ANXA4: variants seen among roughly 807,000 people sequenced by gnomAD.
ANXA4 encodes 35-beta calcimedin.
Under a neutral mutation model 49.8 loss-of-function variants are expected in ANXA4, and 39 were observed. That is an observed-to-expected ratio of 0.78 (90% CI 0.61 to 1.02). The LOEUF (loss-of-function observed/expected upper bound fraction) is 1.02, where lower values mean the gene tolerates loss of function less well. Among genes scored for constraint, ANXA4 ranks in the 50% least tolerant of loss-of-function variants. The pLI is 0.00. For synonymous variants in ANXA4, 134 were observed against 152.5 expected (o/e 0.88, Z 0.89); for missense variants, 360 against 410.1 (o/e 0.88, Z 1.05).
rs1200778897 is a variant in ANXA4, at chr2:69,825,450, G to A, written c.907-6G>A. 1 of 1,603,684 alleles carries A rather than the reference G, an allele frequency of 6.2e-7. No individual in the cohort carries two copies. Among genetic ancestry groups the A allele is most frequent in the Non-Finnish European group, 8.5e-7 (1 of 1,175,536 alleles). On this transcript the variant is annotated splice_region_variant and splice_polypyrimidine_tract_variant and intron_variant, in intron 12 of 12. Coordinates refer to ENST00000394295, the MANE Select transcript of ANXA4 (RefSeq NM_001153.5). ...ATTTATCTAACTTTGCTTCCCTATCGAACAGGGTGACACATCTGGAGACTA... is the reference window on the plus strand; with the variant it reads ...ATTTATCTAACTTTGCTTCCCTATCAAACAGGGTGACACATCTGGAGACTA...
intron 1 of ANXA4, among the ~76,000 whole-genome samples, chr2:69,647,614 G>C (rs536476368): frequency 6.6e-6 from 1 of 152,002 alleles, no homozygotes; most frequent in South Asian, 2.1e-4. Context: ...TCACCATGTT[G>C]CCCAGGGTGG....
At chr2:69,735,188 ACTAT>A (rs1225562536) in intron 3 of ANXA4, among the ~76,000 whole-genome samples, 6 of 152,224 alleles carry the variant, frequency 3.9e-5, no homozygotes, top group Non-Finnish European at 5.9e-5. Context: ...AGAACTAATG[ACTAT>A]CTGTCTTTTG....
At chr2:69,727,367 A>T (rs1233964872) in intron 3 of ANXA4, among the ~76,000 whole-genome samples, 1 of 152,180 alleles carries the variant, frequency 6.6e-6, no homozygotes, top group Non-Finnish European at 1.5e-5. Context: ...TTACATCCCC[A>T]CCAGCAGTGT....
chr2:69,779,107 CAAAAAAAA>C (rs70954359), intron 1 of ANXA4, among the ~76,000 whole-genome samples: 3 of 45,446 alleles, frequency 6.6e-5, no homozygotes, highest in Admixed American at 2.6e-4. Context: ...CACTCTGCCT[CAAAAAAAA>C]AAAAAAAAAA....
chr2:69,785,979 A>G (rs1356528512), intron 2 of ANXA4, among the ~76,000 whole-genome samples: 2 of 152,158 alleles, frequency 1.3e-5, no homozygotes, highest in Non-Finnish European at 2.9e-5. Context: ...TCATTTCATC[A>G]AGTACCACCC....
intron 2 of ANXA4, among the ~76,000 whole-genome samples, chr2:69,696,182 A>C (rs1186851136): frequency 6.6e-6 from 1 of 152,188 alleles, no homozygotes; most frequent in Admixed American, 6.5e-5. Context: ...CCATCCTCTC[A>C]AACCCTTAGT....
intron 1 of ANXA4, among the ~76,000 whole-genome samples, chr2:69,646,839 C>T (rs1481375772): frequency 1.3e-5 from 2 of 152,168 alleles, no homozygotes; most frequent in Non-Finnish European, 2.9e-5. Context: ...TGTATCCCCC[C>T]AACCCCTGTT....
intron 3 of ANXA4, among the ~76,000 whole-genome samples, chr2:69,796,922 C>T (rs992199576): frequency 6.6e-6 from 1 of 152,108 alleles, no homozygotes; most frequent in Non-Finnish European, 1.5e-5. Context: ...TGGGTTGTCT[C>T]GCGGGGCAAA....
intron 1 of ANXA4, among the ~76,000 whole-genome samples, chr2:69,743,205 A>G (rs1449925396): frequency 6.6e-6 from 1 of 151,508 alleles, no homozygotes; most frequent in African/African-American, 2.4e-5. Context: ...TGGTAACTCT[A>G]TTGATAACCA....
chr2:69,682,098 T>G (rs1019304985), intron 2 of ANXA4, among the ~76,000 whole-genome samples: 2 of 152,178 alleles, frequency 1.3e-5, no homozygotes, highest in African/African-American at 4.8e-5. Flanking sequence ...GCCATCCTCC[T>G]GATTCAGCCT....
intron 1 of ANXA4, among the ~76,000 whole-genome samples, chr2:69,755,148 A>G (rs1670991292): frequency 6.6e-6 from 1 of 152,228 alleles, no homozygotes. Flanking sequence ...TCAAACTCAT[A>G]GAGACAGATA....
chr2:69,747,624 C>T (rs1329734809), intron 1 of ANXA4, among the ~76,000 whole-genome samples: 2 of 152,174 alleles, frequency 1.3e-5, no homozygotes, highest in Non-Finnish European at 2.9e-5. Flanking sequence ...CACTTCTAAA[C>T]TCAGTCATGG....
At chr2:69,820,548 T>C in intron 11 of ANXA4, 151 bp from the exon 12 acceptor site, 1 of 823,432 alleles carries the variant, frequency 1.2e-6, no homozygotes, top group Non-Finnish European at 1.9e-6. Context: ...AATACCATGA[T>C]AAAGAGTGAG....
At chr2:69,782,094 G>A (rs1672223823) in intron 2 of ANXA4, among the ~76,000 whole-genome samples, 1 of 152,136 alleles carries the variant, frequency 6.6e-6, no homozygotes, top group South Asian at 2.1e-4. Context: ...TGAGAGTTCT[G>A]TAAAGTTCAG....
intron 12 of ANXA4, among the ~76,000 whole-genome samples, chr2:69,822,981 AATAG>A (rs1674309022): frequency 6.6e-6 from 1 of 151,580 alleles, no homozygotes; most frequent in Non-Finnish European, 1.5e-5. Flanking sequence ...ATGTGAAAAG[AATAG>A]ATGAAGTATA....
chr2:69,747,664 C>T (rs906841654), intron 1 of ANXA4, among the ~76,000 whole-genome samples: 1 of 152,118 alleles, frequency 6.6e-6, no homozygotes, highest in Non-Finnish European at 1.5e-5. Flanking sequence ...TAATGAGTTG[C>T]AGTCAAAACT....
At chr2:69,668,228 C>T (rs1197333955) in intron 2 of ANXA4, among the ~76,000 whole-genome samples, 3 of 152,108 alleles carry the variant, frequency 2.0e-5, no homozygotes, top group Admixed American at 6.6e-5. Context: ...TCAGTCATTT[C>T]CCCTCCAAGT....
At chr2:69,697,123 G>T (rs757533249) in intron 2 of ANXA4, among the ~76,000 whole-genome samples, 3 of 152,182 alleles carry the variant, frequency 2.0e-5, no homozygotes, top group Non-Finnish European at 2.9e-5. Flanking sequence ...CTAGTAGAAG[G>T]CTGTTTCATC....
At chr2:69,656,992 A>G (rs1000242107) in intron 2 of ANXA4, among the ~76,000 whole-genome samples, 5 of 150,978 alleles carry the variant, frequency 3.3e-5, no homozygotes, top group Non-Finnish European at 5.9e-5. Context: ...TATAATCACT[A>G]TATTCATTTT....
Sources: allele counts gnomAD v4.1 joint callset (sites outside exome capture counted in the v4.1 genomes callset), GRCh38; gene constraint gnomAD v4.1.1; transcripts MANE v1.5; gene names NCBI Gene and HGNC (gene_info 2026-07-23, HGNC 2026-07-21).